COL26A1: variants seen among roughly 807,000 people sequenced by gnomAD.
COL26A1 encodes collagen type XXVI alpha 1 chain.
COL26A1 carries 41 observed loss-of-function variants against 59.3 expected under a neutral mutation model. That is an observed-to-expected ratio of 0.69 (90% CI 0.54 to 0.90). COL26A1 has a LOEUF of 0.90. Among genes scored for constraint, COL26A1 ranks in the 40% least tolerant of loss-of-function variants. The pLI is 0.00. For synonymous variants in COL26A1, 266 were observed against 256.0 expected (o/e 1.04, Z -0.37); for missense variants, 612 against 602.3 (o/e 1.02, Z -0.17).
intron 4 of COL26A1, among the ~76,000 whole-genome samples, 154 bp from the exon 5 acceptor site, chr7:101,539,739 C>T (rs1181135359): frequency 6.6e-6 from 1 of 152,182 alleles, no homozygotes; most frequent in Non-Finnish European, 1.5e-5. Context: ...ACCTGGGCCA[C>T]GAGTGAGGTT....
chr7:101,553,308 G>A lies in COL26A1; in HGVS notation c.1030-18G>A. 6.2e-7 allele frequency: 1 copy of A among 1,613,088 alleles called. No homozygotes were observed. Reference sequence around the variant, plus strand: ...CCCACCTCCCGTTCCAGTGTTGACTGTGTGACTTGCTTCTTAGGGTGAACC... The same window carrying A: ...CCCACCTCCCGTTCCAGTGTTGACTATGTGACTTGCTTCTTAGGGTGAACC... On this transcript the variant is annotated intron_variant, in intron 10 of 12. Coordinates refer to ENST00000313669, the MANE Select transcript of COL26A1 (RefSeq NM_001278563.3).
chr7:101,403,248 G>T (rs2130205416), intron 1 of COL26A1, among the ~76,000 whole-genome samples: 1 of 152,268 alleles, frequency 6.6e-6, no homozygotes, highest in East Asian at 1.9e-4. Context: ...ATGCTTGTGG[G>T]ACAGTTGCTG....
chr7:101,450,245 C>T (rs1793298656), intron 3 of COL26A1, among the ~76,000 whole-genome samples: 1 of 151,970 alleles, frequency 6.6e-6, no homozygotes, highest in African/African-American at 2.4e-5. Context: ...GAGTTGTGGA[C>T]AGCTGTACTT....
rs1796020909 is a variant in COL26A1 at position 101,558,000 on chromosome 7, C to T, written c.*470C>T. On this transcript the variant is annotated 3_prime_UTR_variant, in exon 13 of 13. Transcript: ENST00000313669. ...ACGGGTGGCAGGGGCAGGATTTGAA[C>T]CCAGGACCCTCAGTTCCTGAAGCCA... 1 of 152,862 alleles carries T rather than the reference C, an allele frequency of 6.5e-6. No homozygotes were observed. The highest frequency in any genetic ancestry group is 1.5e-5 in the Non-Finnish European group (1 of 68,360). 9.5% of individuals were successfully genotyped at this position (152,862 alleles called of 1,614,324 possible). A position where few individuals can be genotyped will look rare whatever the true frequency, so the allele number is the denominator to read the frequency against.
chr7:101,544,528 C>CT lies in COL26A1; in HGVS notation c.703+452dup, dbSNP rs58206894. On this transcript the variant is annotated intron_variant, in intron 6 of 12. Coordinates refer to ENST00000313669, the MANE Select transcript of COL26A1 (RefSeq NM_001278563.3). ...AGGCGTGAGCCACCACCTCACCTGG[C>CT]TTTTTTTTTTTTTTTTTTTTGAGAT... 6.2e-3 allele frequency among the ~76,000 whole-genome samples: 616 copies of CT among 98,600 alleles called. 9 individuals are homozygous for CT. The highest frequency in any genetic ancestry group is 8.7e-3 in the South Asian group (27 of 3,112). 64.7% of individuals were successfully genotyped at this position (98,600 alleles called of 152,430 possible).
chr7:101,533,764 CGGT>C (rs1562793251), intron 4 of COL26A1, among the ~76,000 whole-genome samples: 1 of 151,734 alleles, frequency 6.6e-6, no homozygotes. Flanking sequence ...CTCTGGGAGA[CGGT>C]GGTTTTGAGA....
chr7:101,519,801 T>G (rs1305290669), intron 3 of COL26A1, among the ~76,000 whole-genome samples: 1 of 152,218 alleles, frequency 6.6e-6, no homozygotes, highest in African/African-American at 2.4e-5. Context: ...GCGTCCAGTG[T>G]TCCCTCCTCT....
chr7:101,423,861 A>G (rs896847043), intron 2 of COL26A1, among the ~76,000 whole-genome samples: 19 of 152,168 alleles, frequency 1.2e-4, no homozygotes, highest in Admixed American at 1.2e-3. Context: ...TGAATTTGTC[A>G]TAAGTCTCCC....
chr7:101,512,261 T>C (rs1214733885), intron 3 of COL26A1, among the ~76,000 whole-genome samples: 1 of 152,102 alleles, frequency 6.6e-6, no homozygotes, highest in Non-Finnish European at 1.5e-5. Context: ...CACTGGCTCA[T>C]GGAGGCAACA....
chr7:101,394,655 T>C (rs1186664727), intron 1 of COL26A1, among the ~76,000 whole-genome samples: 1 of 146,844 alleles, frequency 6.8e-6, no homozygotes, highest in Non-Finnish European at 1.5e-5. Flanking sequence ...ACTCCTGGGC[T>C]GAAGCGATCC....
Position 101,557,755 on chromosome 7 carries a change from A to C in COL26A1, c.*225A>C. ...CTGGCCTGTCCCCTCCCCTACCCCC[A>C]CTCCCGGCTGGAGACGGGGTCTGGG... On this transcript the variant is annotated 3_prime_UTR_variant, in exon 13 of 13. Coordinates refer to ENST00000313669, the MANE Select transcript of COL26A1 (RefSeq NM_001278563.3). 6.5e-6 allele frequency: 3 copies of C among 461,786 alleles called. No homozygotes were observed. The highest frequency in any genetic ancestry group is 7.6e-6 in the Non-Finnish European group (2 of 262,892). 28.6% of individuals were successfully genotyped at this position (461,786 alleles called of 1,614,324 possible).
intron 3 of COL26A1, among the ~76,000 whole-genome samples, chr7:101,448,158 G>A (rs1793246305): frequency 6.6e-6 from 1 of 152,252 alleles, no homozygotes; most frequent in Non-Finnish European, 1.5e-5. Flanking sequence ...CTGAGCAAAT[G>A]CGGATGAGGT....
At chr7:101,427,736 C>A (rs1792681604) in intron 2 of COL26A1, among the ~76,000 whole-genome samples, 1 of 151,956 alleles carries the variant, frequency 6.6e-6, no homozygotes, top group Admixed American at 6.6e-5. Flanking sequence ...GAACTCCTGG[C>A]CTCAAGTGAT....
intron 7 of COL26A1, 106 bp from the exon 8 acceptor site, chr7:101,547,050 C>T: frequency 1.4e-6 from 1 of 722,708 alleles, no homozygotes; most frequent in Non-Finnish European, 2.3e-6. Flanking sequence ...GGAGGAGCCC[C>T]CCTGGGCTTC....
intron 1 of COL26A1, among the ~76,000 whole-genome samples, chr7:101,384,995 A>G (rs1040506338): frequency 2.6e-5 from 4 of 152,078 alleles, no homozygotes; most frequent in African/African-American, 9.7e-5. Context: ...ACGGGAGAAC[A>G]ATGAAGGCTG....
intron 2 of COL26A1, among the ~76,000 whole-genome samples, chr7:101,447,045 C>T (rs959692699): frequency 5.3e-5 from 8 of 151,728 alleles, no homozygotes; most frequent in South Asian, 2.1e-4. Flanking sequence ...CGTAGGGGGT[C>T]GAAGTGAGGT....
At chr7:101,542,998 G>C (rs758766331) in intron 5 of COL26A1, among the ~76,000 whole-genome samples, 3 of 152,058 alleles carry the variant, frequency 2.0e-5, no homozygotes, top group Non-Finnish European at 4.4e-5. Context: ...CACCAGGTGG[G>C]GCACACACTC....
chr7:101,383,523 C>T (rs576978378), intron 1 of COL26A1, among the ~76,000 whole-genome samples: 25 of 136,100 alleles, frequency 1.8e-4, no homozygotes, highest in Non-Finnish European at 3.4e-4. Flanking sequence ...TGTGCCACCA[C>T]GCCTGGCTAA....
intron 3 of COL26A1, among the ~76,000 whole-genome samples, chr7:101,467,424 G>A (rs1308440926): frequency 1.3e-5 from 2 of 148,996 alleles, no homozygotes; most frequent in East Asian, 3.9e-4. Flanking sequence ...TTTACACAGC[G>A]CCCGAGAGAT....
Sources: gnomAD v4.1 joint callset for allele counts (sites outside exome capture counted in the v4.1 genomes callset) on GRCh38, gnomAD v4.1.1 for gene constraint, MANE v1.5 for transcripts, NCBI Gene and HGNC (gene_info 2026-07-23, HGNC 2026-07-21) for gene names.